The following DOCK4 variants were observed in gnomAD, a reference collection of about 807,000 sequenced individuals.
DOCK4 encodes the protein dedicator of cytokinesis 4.
DOCK4 carries 97 observed loss-of-function variants against 268.1 expected under a neutral mutation model. The observed-to-expected ratio is 0.36, with a 90% CI of 0.31 to 0.43. DOCK4 has a LOEUF of 0.43. DOCK4 is among the 20% of genes least tolerant of loss of function. The pLI is 1.00. For missense variants in DOCK4, 2,145 were observed against 2,455.7 expected, an observed-to-expected ratio of 0.87 and a Z score of 2.67; for synonymous variants, 954 against 887.2, an observed-to-expected ratio of 1.08 and a Z score of -1.34.
chr7:111,863,295 C>A (rs1418752521), intron 23 of DOCK4, 77 bp downstream of exon 23: 2 of 1,510,320 alleles, frequency 1.3e-6, no homozygotes, highest in East Asian at 4.5e-5. Flanking sequence ...TTTTTAATTG[C>A]ATCTGCTGAC....
chr7:112,171,047 C>T (rs1818041207), intron 1 of DOCK4, among the ~76,000 whole-genome samples: 1 of 152,216 alleles, frequency 6.6e-6, no homozygotes, highest in Non-Finnish European at 1.5e-5. Context: ...CAAACATCCA[C>T]AACTTATTTT....
At chr7:112,183,290 T>C (rs1819215334) in intron 1 of DOCK4, among the ~76,000 whole-genome samples, 1 of 152,184 alleles carries the variant, frequency 6.6e-6, no homozygotes, top group Non-Finnish European at 1.5e-5. Context: ...GGGAGAACTG[T>C]GAGCTCTTAA....
intron 1 of DOCK4, among the ~76,000 whole-genome samples, chr7:112,013,401 C>T (rs1056104887): frequency 6.6e-6 from 1 of 152,174 alleles, no homozygotes; most frequent in Non-Finnish European, 1.5e-5. Flanking sequence ...GACACCTAGT[C>T]AAAAACTATT....
intron 1 of DOCK4, among the ~76,000 whole-genome samples, chr7:112,105,654 T>C (rs1414530039): frequency 2.0e-5 from 3 of 151,250 alleles, no homozygotes; most frequent in Non-Finnish European, 4.4e-5. Flanking sequence ...TTCCTCTTCC[T>C]CCTTCCTCGT....
intron 13 of DOCK4, among the ~76,000 whole-genome samples, chr7:111,902,083 T>A (rs1195188648): frequency 6.6e-6 from 1 of 152,182 alleles, no homozygotes; most frequent in Non-Finnish European, 1.5e-5. Context: ...TCACCATTTT[T>A]CAATATTTCC....
At chr7:111,739,710 T>G in intron 47 of DOCK4, 1 of 525,480 alleles carries the variant, frequency 1.9e-6, no homozygotes, top group East Asian at 3.4e-5. Context: ...AGCTATACAC[T>G]GTGACTTCGT....
intron 8 of DOCK4, among the ~76,000 whole-genome samples, chr7:111,950,756 A>G (rs1420628329): frequency 6.6e-6 from 1 of 152,226 alleles, no homozygotes; most frequent in Non-Finnish European, 1.5e-5. Flanking sequence ...AGATTCTCAT[A>G]TTAACTTCGT....
At chr7:112,067,967 T>A (rs1359427117) in intron 1 of DOCK4, among the ~76,000 whole-genome samples, 2 of 152,186 alleles carry the variant, frequency 1.3e-5, no homozygotes, top group African/African-American at 4.8e-5. Context: ...CATTAATCAC[T>A]ACACTTAAGA....
intron 1 of DOCK4, among the ~76,000 whole-genome samples, chr7:112,059,797 G>A (rs1365186829): frequency 6.6e-6 from 1 of 152,160 alleles, no homozygotes; most frequent in Non-Finnish European, 1.5e-5. Context: ...CAATAGCTTT[G>A]TCTAAAACTT....
At chr7:111,985,787 T>C (rs1223472500) in intron 6 of DOCK4, among the ~76,000 whole-genome samples, 1 of 152,220 alleles carries the variant, frequency 6.6e-6, no homozygotes, top group Non-Finnish European at 1.5e-5. Flanking sequence ...GTTTTCAAAA[T>C]GTCCATGTTC....
chr7:111,868,045 A>G lies in DOCK4; in HGVS notation c.2219T>C (p.Met740Thr), dbSNP rs755151516. 4 of 1,613,534 alleles carry G rather than the reference A, an allele frequency of 2.5e-6. No individual in the cohort carries two copies. Among genetic ancestry groups the G allele is most frequent in the Non-Finnish European group, 3.4e-6 (4 of 1,179,658 alleles). The change falls in exon 22 of 53, where the codon ATG (methionine) becomes ACG (threonine). Residue 740 changes from methionine to threonine, a missense_variant. By Grantham distance (81) the Met-to-Thr change is moderately conservative. Coordinates refer to ENST00000428084, the MANE Select transcript of DOCK4 (RefSeq NM_001363540.2). ...EFRCCIQELL[M>T]SVRFFLSQES... ...TTGCGAAAGAAAGAAACGGACTGACATGAGAAGCTCCTGAATGCAGCAGCG... is the reference window on the plus strand; with the variant it reads ...TTGCGAAAGAAAGAAACGGACTGACGTGAGAAGCTCCTGAATGCAGCAGCG...
intron 1 of DOCK4, among the ~76,000 whole-genome samples, chr7:112,159,226 A>G (rs1263913384): frequency 6.6e-6 from 1 of 152,032 alleles, no homozygotes; most frequent in Admixed American, 6.6e-5. Flanking sequence ...TCATTACTTG[A>G]CTGGCGCTGC....
chr7:112,079,330 A>G (rs940223680), intron 1 of DOCK4, among the ~76,000 whole-genome samples: 1 of 152,178 alleles, frequency 6.6e-6, no homozygotes, highest in Non-Finnish European at 1.5e-5. Context: ...CACCTGACTA[A>G]AAGGTCAACC....
chr7:112,060,494 G>A (rs559684800), intron 1 of DOCK4, among the ~76,000 whole-genome samples: 18 of 152,238 alleles, frequency 1.2e-4, no homozygotes, highest in Admixed American at 2.6e-4. Context: ...ATTGAAAATC[G>A]GGTCTCAAAG....
intron 30 of DOCK4, among the ~76,000 whole-genome samples, chr7:111,799,789 A>G (rs1395807607): frequency 6.6e-6 from 1 of 152,210 alleles, no homozygotes; most frequent in African/African-American, 2.4e-5. Flanking sequence ...TATACATGGG[A>G]TTGCATTTGT....
At chr7:111,869,699 T>C in intron 20 of DOCK4, 44 bp from the exon 21 acceptor site, 1 of 1,557,676 alleles carries the variant, frequency 6.4e-7, no homozygotes, top group Non-Finnish European at 8.8e-7. Flanking sequence ...ATTGGTCTAA[T>C]TCTCAATTAA....
At chr7:112,135,728 TTC>T (rs869294897) in intron 1 of DOCK4, among the ~76,000 whole-genome samples, 2 of 96,498 alleles carry the variant, frequency 2.1e-5, no homozygotes, top group African/African-American at 1.7e-4. Context: ...CTTTTTCTAT[TTC>T]TTTTTTCCAA....
chr7:112,079,348 A>T (rs898619616), intron 1 of DOCK4, among the ~76,000 whole-genome samples: 6 of 152,184 alleles, frequency 3.9e-5, no homozygotes, highest in Non-Finnish European at 5.9e-5. Flanking sequence ...ACCTGAGCCA[A>T]CTGTATTATG....
chr7:112,151,157 G>A (rs1275998660), intron 1 of DOCK4, among the ~76,000 whole-genome samples: 1 of 151,662 alleles, frequency 6.6e-6, no homozygotes, highest in Non-Finnish European at 1.5e-5. Context: ...AGTTTTACAA[G>A]GAGAAGGATT....
Sources: allele counts gnomAD v4.1 joint callset (sites outside exome capture counted in the v4.1 genomes callset), GRCh38; gene constraint gnomAD v4.1.1; transcripts MANE v1.5; gene names NCBI Gene and HGNC (gene_info 2026-07-23, HGNC 2026-07-21).